LHFPL3: variants seen among roughly 807,000 people sequenced by gnomAD.
LHFPL3 encodes LHFPL tetraspan subfamily member 3, also known as LHFPL tetraspan subfamily member 3 protein.
LHFPL3 carries 5 observed loss-of-function variants against 19.3 expected under a neutral mutation model. That is an observed-to-expected ratio of 0.26 (90% CI 0.14 to 0.54). The LOEUF (loss-of-function observed/expected upper bound fraction) is 0.54, where lower values mean the gene tolerates loss of function less well. Among genes scored for constraint, LHFPL3 ranks in the 20% least tolerant of loss-of-function variants. The pLI, the probability that LHFPL3 is intolerant of heterozygous loss-of-function variation, is 0.94. For synonymous variants in LHFPL3, 133 were observed against 126.2 expected, an observed-to-expected ratio of 1.05 and a Z score of -0.36; for missense variants, 249 against 307.4, an observed-to-expected ratio of 0.81 and a Z score of 1.42.
At chr7:104,369,603 TA>T (rs1254050977) in intron 1 of LHFPL3, among the ~76,000 whole-genome samples, 13 of 152,240 alleles carry the variant, frequency 8.5e-5, no homozygotes, top group African/African-American at 3.1e-4. Context: ...AAGAAACTCC[TA>T]AACTATTTTC....
intron 1 of LHFPL3, among the ~76,000 whole-genome samples, chr7:104,430,383 CAT>C (rs1176189742): frequency 0.039 from 1,533 of 39,538 alleles, 48 homozygotes; most frequent in Non-Finnish European, 0.047. Context: ...TATATATATA[CAT>C]ATATATATAT....
chr7:104,491,606 G>A (rs1233501341), intron 1 of LHFPL3, among the ~76,000 whole-genome samples: 2 of 152,098 alleles, frequency 1.3e-5, no homozygotes, highest in African/African-American at 2.4e-5. Context: ...GATCACAGTA[G>A]GTGAGAGCTG....
intron 1 of LHFPL3, among the ~76,000 whole-genome samples, chr7:104,682,995 A>T (rs909254404): frequency 6.6e-6 from 1 of 151,730 alleles, no homozygotes; most frequent in African/African-American, 2.4e-5. Context: ...TTTAATTACT[A>T]TTTTTTTTCC....
intron 1 of LHFPL3, among the ~76,000 whole-genome samples, chr7:104,599,804 C>G (rs751955136): frequency 2.0e-5 from 3 of 152,148 alleles, no homozygotes; most frequent in Non-Finnish European, 4.4e-5. Context: ...TCTTATTTTC[C>G]CATCTAATCA....
rs1475956678 is a variant in LHFPL3, at chr7:104,835,499, T to C, written c.683-70688T>C. Among the ~76,000 whole-genome samples the C allele has an allele frequency of 2.6e-5, 4 of 151,906 alleles. 1 individual carries two copies. Among genetic ancestry groups the C allele is most frequent in the African/African-American group, 4.9e-5 (2 of 41,214 alleles). On this transcript the variant is annotated intron_variant, in intron 2 of 2. Transcript: ENST00000424859. Reference sequence around the variant, plus strand: ...TATTCATTTCACTCAGTAAATATTATTGAGCACCTACTATGTGCTAGGCAC... The same window carrying C: ...TATTCATTTCACTCAGTAAATATTACTGAGCACCTACTATGTGCTAGGCAC...
At chr7:104,491,542 G>C (rs1012409268) in intron 1 of LHFPL3, among the ~76,000 whole-genome samples, 1 of 152,018 alleles carries the variant, frequency 6.6e-6, no homozygotes, top group Admixed American at 6.5e-5. Context: ...CATTGCCTCA[G>C]GGTGAGCAGG....
intron 2 of LHFPL3, among the ~76,000 whole-genome samples, chr7:104,750,622 A>T (rs1794145792): frequency 6.6e-6 from 1 of 151,970 alleles, no homozygotes; most frequent in East Asian, 1.9e-4. Flanking sequence ...CCCTGTGGGG[A>T]TTTTTTGTGG....
intron 1 of LHFPL3, among the ~76,000 whole-genome samples, chr7:104,730,277 G>A (rs968556599): frequency 2.0e-5 from 3 of 152,152 alleles, no homozygotes; most frequent in Non-Finnish European, 2.9e-5. Flanking sequence ...GGATGGCTGG[G>A]TCAAATGGTA....
At chr7:104,686,659 C>T (rs956796293) in intron 1 of LHFPL3, among the ~76,000 whole-genome samples, 3 of 152,140 alleles carry the variant, frequency 2.0e-5, no homozygotes, top group Non-Finnish European at 4.4e-5. Context: ...CAAGACTGCC[C>T]CCCATTTCAG....
intron 1 of LHFPL3, among the ~76,000 whole-genome samples, chr7:104,375,079 C>T (rs2062518496): frequency 6.6e-6 from 1 of 152,204 alleles, no homozygotes; most frequent in Non-Finnish European, 1.5e-5. Context: ...TGGCTTACCC[C>T]TGTAATCCCA....
At chr7:104,451,073 A>G (rs1392622015) in intron 1 of LHFPL3, among the ~76,000 whole-genome samples, 1 of 152,204 alleles carries the variant, frequency 6.6e-6, no homozygotes, top group Non-Finnish European at 1.5e-5. Context: ...CAAGGAACCC[A>G]TGACCTCTCC....
intron 1 of LHFPL3, among the ~76,000 whole-genome samples, chr7:104,477,279 G>C (rs1793040509): frequency 6.6e-6 from 1 of 152,172 alleles, no homozygotes; most frequent in Non-Finnish European, 1.5e-5. Flanking sequence ...GTGTGAGCCA[G>C]TGCGCCCAGC....
intron 1 of LHFPL3, among the ~76,000 whole-genome samples, chr7:104,483,048 A>G (rs563425931): frequency 7.9e-5 from 12 of 152,360 alleles, no homozygotes; most frequent in Admixed American, 1.3e-4. Context: ...TTGGTTTTGC[A>G]AAGAGTTTGA....
chr7:104,416,413 T>C (rs1268094166), intron 1 of LHFPL3, among the ~76,000 whole-genome samples: 3 of 152,146 alleles, frequency 2.0e-5, no homozygotes, highest in Admixed American at 2.0e-4. Context: ...AGAAAATGAA[T>C]ACACCACCCA....
At chr7:104,367,819 G>A (rs770282900) in intron 1 of LHFPL3, among the ~76,000 whole-genome samples, 3 of 152,218 alleles carry the variant, frequency 2.0e-5, no homozygotes, top group Admixed American at 2.0e-4. Context: ...GGGGGAAGGA[G>A]GGCCTCAGTA....
At chr7:104,688,352 C>G (rs1792844303) in intron 1 of LHFPL3, among the ~76,000 whole-genome samples, 1 of 152,126 alleles carries the variant, frequency 6.6e-6, no homozygotes, top group African/African-American at 2.4e-5. Context: ...TGCGGAAAAT[C>G]AGACACAAGC....
intron 1 of LHFPL3, among the ~76,000 whole-genome samples, chr7:104,600,583 CT>C (rs1219385607): frequency 6.6e-6 from 1 of 152,188 alleles, no homozygotes; most frequent in Non-Finnish European, 1.5e-5. Context: ...ATTATCTCAT[CT>C]TATCCTCAGA....
At chr7:104,768,440 G>T (rs1241546623) in intron 2 of LHFPL3, among the ~76,000 whole-genome samples, 1 of 152,046 alleles carries the variant, frequency 6.6e-6, no homozygotes, top group Non-Finnish European at 1.5e-5. Flanking sequence ...AGCAGAGTTG[G>T]GCTTGAGCCT....
intron 1 of LHFPL3, among the ~76,000 whole-genome samples, chr7:104,671,596 A>G (rs1461179311): frequency 6.6e-6 from 1 of 151,334 alleles, no homozygotes; most frequent in East Asian, 1.9e-4. Flanking sequence ...AGAAAGAAAT[A>G]CAAGGAAAAA....
Sources: allele counts gnomAD v4.1 joint callset (sites outside exome capture counted in the v4.1 genomes callset), GRCh38; gene constraint gnomAD v4.1.1; transcripts MANE v1.5; gene names NCBI Gene and HGNC (gene_info 2026-07-23, HGNC 2026-07-21).